Variants in NPC1 observed in about 807,000 individuals in gnomAD.
NPC1 encodes the protein Niemann-Pick C1 protein.
NPC1 carries 85 observed loss-of-function variants against 140.4 expected under a neutral mutation model. That is an observed-to-expected ratio of 0.61 (90% confidence interval 0.51 to 0.72). The LOEUF is 0.72. Ranked by LOEUF, NPC1 falls within the 30% of genes least tolerant of loss-of-function variation. The probability of loss-of-function intolerance (pLI) is 0.00; values close to 1 mark genes in which losing one functional copy is unlikely to be tolerated. For missense variants in NPC1, 1,504 were observed against 1,623.8 expected (o/e 0.93, Z 1.27); for synonymous variants, 656 against 624.8 (o/e 1.05, Z -0.74).
chr18:23,506,779 C>T (rs1340217834), intron 3 of NPC1: 2 of 483,118 alleles, frequency 4.1e-6, no homozygotes, highest in African/African-American at 4.0e-5. Flanking sequence ...CTGTAAGTTT[C>T]CCAGCAAGTT....
In NPC1 at chr18:23,556,482, C is replaced by G; in HGVS notation, c.1087G>C (p.Ala363Pro). ...VIFFSLVFIT[A>P]CSSGLVFVRV... is the part of the protein sequence containing the mutation. ...ACAAACACCAGGCCTGACGAACACG[C>G]AGTAATGAAGACCAGCGAGAAGAAA... The change falls in exon 8 of 25, where the codon GCG (alanine) becomes CCG (proline). Residue 363 changes from alanine to proline, a missense_variant. Transcript: ENST00000269228. The G allele has an allele frequency of 6.2e-7, 1 of 1,614,128 alleles. No homozygotes were observed. Among genetic ancestry groups the G allele is most frequent in the Non-Finnish European group, 8.5e-7 (1 of 1,180,030 alleles).
intron 3 of NPC1, among the ~76,000 whole-genome samples, chr18:23,514,243 C>T (rs11664076): frequency 0.36 from 55,044 of 152,166 alleles, 11,376 homozygotes; most frequent in Admixed American, 0.46. Flanking sequence ...TGGCTGGGCA[C>T]GGTGGCTCAT....
chr18:23,542,199 T>C (rs2058721996), intron 14 of NPC1, among the ~76,000 whole-genome samples: 1 of 151,896 alleles, frequency 6.6e-6, no homozygotes, highest in Non-Finnish European at 1.5e-5. Context: ...CTGCTGCTAT[T>C]ATCATCACAC....
intron 4 of NPC1, among the ~76,000 whole-genome samples, chr18:23,566,848 TCTC>T (rs1229848170): frequency 5.3e-5 from 8 of 152,360 alleles, no homozygotes; most frequent in Admixed American, 1.3e-4. Flanking sequence ...TGCCTTCCTC[TCTC>T]CTAACCCATG....
chr18:23,533,417 G>T lies in NPC1; in HGVS notation c.3692C>A (p.Ala1231Asp). 1 of 1,614,114 alleles carries T rather than the reference G, an allele frequency of 6.2e-7. No individual in the cohort carries two copies. The highest frequency in any genetic ancestry group is 2.2e-5 in the East Asian group (1 of 44,886). Residue 1231 changes from alanine (A) to aspartate (D), a missense_variant, in exon 24 of 25, where the codon GCC becomes GAC. By Grantham distance (126) the Ala-to-Asp change is moderately radical. Transcript: ENST00000269228. ...GTGAGTGGCTCCCAGTAAGACCATG[G>T]CCAAATACATCCTGAAGTAGAATAT... Reference protein sequence around the residue: ...FQIFYFRMYLAMVLLGATHGL... With the variant: ...FQIFYFRMYLDMVLLGATHGL...
In NPC1 at chr18:23,534,479, G is replaced by C. The variant is rs141659629; in HGVS notation, c.3558C>G (p.Arg1186=). The C allele has an allele frequency of 6.2e-7, 1 of 1,613,960 alleles. No homozygotes were observed. The highest frequency in any genetic ancestry group is 8.5e-7 in the Non-Finnish European group (1 of 1,179,998). ...TVSMKGSRVE[R]AEEALAHMGS... ...CCATGTGGGCAAGTGCCTCTTCCGC[G>C]CGCTCCACGCGGCTGCCTTTCATGC... is the stretch of plus-strand genomic sequence containing the variant. Residue 1186 remains arginine (R), a synonymous_variant, in exon 23 of 25, where the codon CGC becomes CGG. Coordinates refer to ENST00000269228, the MANE Select transcript of NPC1 (RefSeq NM_000271.5).
chr18:23,529,381 T>TA, downstream of NPC1: 1 of 1,520,196 alleles, frequency 6.6e-7, no homozygotes, highest in Non-Finnish European at 8.8e-7. Flanking sequence ...TTCATGTGAT[T>TA]AGAGTCACTT....
chr18:23,540,003 TGAAA>T lies in NPC1; in HGVS notation c.2605-6_2605-3del, dbSNP rs750411155. 2.0e-5 allele frequency: 32 copies of T among 1,612,654 alleles called. No individual in the cohort carries two copies. Among genetic ancestry groups the T allele is most frequent in the Non-Finnish European group, 2.5e-5 (30 of 1,178,702 alleles). ...GAAATAATCCACCATGTAGGAGTCC[TGAAA>T]GAAAGATAAAAGAATAGGAGAGAGT... On this transcript the variant is annotated splice_region_variant and splice_polypyrimidine_tract_variant and intron_variant, in intron 17 of 24. Coordinates refer to ENST00000269228, the MANE Select transcript of NPC1 (RefSeq NM_000271.5).
At chr18:23,552,274 T>G (rs1598968839) in intron 9 of NPC1, among the ~76,000 whole-genome samples, 1 of 151,460 alleles carries the variant, frequency 6.6e-6, no homozygotes, top group African/African-American at 2.4e-5. Flanking sequence ...CTGGACAACA[T>G]AGCAAGATCC....
chr18:23,560,371 A>G lies in NPC1; in HGVS notation c.741T>C (p.Cys247=), dbSNP rs2145480310. ...PCSCQDCSIV[C]GPKPQPPPPP... ...GAGGTGGGGGCTGGGGCTTGGGGCC[A>G]CAGACAATAGAGCAGTCTTGGCAGC... Residue 247 remains cysteine (C), a synonymous_variant, in exon 6 of 25, where the codon TGT becomes TGC. Transcript: ENST00000269228. 6.2e-7 allele frequency: 1 copy of G among 1,614,234 alleles called. No homozygotes were observed. Among genetic ancestry groups the G allele is most frequent in the Non-Finnish European group, 8.5e-7 (1 of 1,180,038 alleles).
intron 9 of NPC1, among the ~76,000 whole-genome samples, chr18:23,553,280 T>C (rs553337635): frequency 5.3e-5 from 8 of 152,348 alleles, no homozygotes; most frequent in African/African-American, 1.9e-4. Flanking sequence ...CATTAAATGG[T>C]TGTCCAATTA....
chr18:23,544,636 G>T, intron 12 of NPC1, 110 bp from the exon 13 acceptor site: 1 of 980,276 alleles, frequency 1.0e-6, no homozygotes, highest in Non-Finnish European at 1.6e-6. Flanking sequence ...ACCTAGAGTT[G>T]AATGTACAAT....
At chr18:23,530,006 C>T (rs2058441584), downstream of NPC1, 2 of 1,591,112 alleles carry the variant, frequency 1.3e-6, no homozygotes, top group African/African-American at 1.3e-5. Context: ...AGTGTTCTTT[C>T]ACTTTTTACT....
At chr18:23,528,461 AGAAT>A (rs2058374730), downstream of NPC1, 1 of 153,634 alleles carries the variant, frequency 6.5e-6, no homozygotes, top group East Asian at 1.9e-4. Flanking sequence ...TAGGACAAGG[AGAAT>A]GAATTATTTC....
chr18:23,561,562 G>T (rs774273153), intron 4 of NPC1, 35 bp from the exon 5 acceptor site: 1 of 1,608,932 alleles, frequency 6.2e-7, no homozygotes, highest in Non-Finnish European at 8.5e-7. Context: ...AAGGAGACAA[G>T]ATGCTTGCTG....
At chr18:23,515,824 A>G in intron 3 of NPC1, 1 of 1,612,998 alleles carries the variant, frequency 6.2e-7, no homozygotes, top group South Asian at 1.1e-5. Flanking sequence ...CGTTTTTTAA[A>G]TGAAGATCCT....
chr18:23,548,276 G>A (rs1284346488), intron 10 of NPC1, among the ~76,000 whole-genome samples, 168 bp from the exon 11 acceptor site: 1 of 151,012 alleles, frequency 6.6e-6, no homozygotes, highest in African/African-American at 2.4e-5. Context: ...ATGTACTTCA[G>A]TTAATGAATA....
chr18:23,508,109 C>T (rs1355392049), intron 3 of NPC1: 37 of 1,410,258 alleles, frequency 2.6e-5, no homozygotes, highest in South Asian at 9.0e-5. Flanking sequence ...TAGTGGAGAG[C>T]GGGGCATTGG....
intron 1 of NPC1, among the ~76,000 whole-genome samples, chr18:23,581,798 T>G (rs1459706014): frequency 1.3e-5 from 2 of 152,308 alleles, no homozygotes; most frequent in East Asian, 3.9e-4. Flanking sequence ...CCTGATACAT[T>G]AATTCATCCT....
Sources: gnomAD v4.1 joint callset for allele counts (sites outside exome capture counted in the v4.1 genomes callset) on GRCh38, gnomAD v4.1.1 for gene constraint, MANE v1.5 for transcripts, NCBI Gene and HGNC (gene_info 2026-07-23, HGNC 2026-07-21) for gene names.